Variants in ITPK1 observed in about 807,000 individuals in gnomAD.
ITPK1 encodes the protein inositol-tetrakisphosphate 1-kinase, also known as inositol 1,3,4-trisphosphate 5/6-kinase.
ITPK1 carries 21 observed loss-of-function variants against 45.3 expected under a neutral mutation model. The ratio of observed to expected loss-of-function variants is 0.46; its 90% CI spans 0.33 to 0.67. ITPK1 has a LOEUF of 0.67. Among genes scored for constraint, ITPK1 ranks in the 30% least tolerant of loss-of-function variants. ITPK1 has a pLI of 0.02. For synonymous variants in ITPK1, 258 were observed against 253.6 expected, an observed-to-expected ratio of 1.02 and a Z score of -0.16; for missense variants, 474 against 573.5, an observed-to-expected ratio of 0.83 and a Z score of 1.77.
At chr14:93,007,427 T>C (rs899395967) in intron 4 of ITPK1, among the ~76,000 whole-genome samples, 2 of 134,330 alleles carry the variant, frequency 1.5e-5, no homozygotes, top group African/African-American at 5.6e-5. Flanking sequence ...TGGCAGCCCA[T>C]GGGCTCCCCT....
rs1289265278 is a variant in ITPK1, at chr14:92,958,939, A to C, written c.505-573T>G. On this transcript the variant is annotated intron_variant, in intron 7 of 10. Transcript: ENST00000267615. This position sits in a 1 kb window ranked among gnomAD's most constrained non-coding sequence, Gnocchi z 4.4. ...AGCATACAACCTTTCACAGATGAGG[A>C]CGATGAGGCGCTGAGAGGTTCAGTG... Among the ~76,000 whole-genome samples the C allele has an allele frequency of 2.0e-5, 3 of 152,176 alleles. No individual in the cohort carries two copies. Among genetic ancestry groups the C allele is most frequent in the Non-Finnish European group, 2.9e-5 (2 of 68,026 alleles).
chr14:93,039,181 G>A (rs1396270250), intron 3 of ITPK1, among the ~76,000 whole-genome samples: 1 of 152,150 alleles, frequency 6.6e-6, no homozygotes, highest in African/African-American at 2.4e-5. Flanking sequence ...AGAGTTCTGG[G>A]CACAGGCCTT....
At chr14:93,093,196 C>T (rs1019925254) in intron 2 of ITPK1, among the ~76,000 whole-genome samples, 2 of 152,186 alleles carry the variant, frequency 1.3e-5, no homozygotes, top group African/African-American at 2.4e-5. Flanking sequence ...GGGGCAGACA[C>T]GACCCACACC....
At chr14:93,048,545 C>T (rs750354143) in intron 3 of ITPK1, among the ~76,000 whole-genome samples, 4 of 152,186 alleles carry the variant, frequency 2.6e-5, no homozygotes, top group Non-Finnish European at 4.4e-5. Context: ...ACGTGCCTGT[C>T]GCCTCACGCT....
At chr14:93,042,348 G>A (rs1435202415) in intron 3 of ITPK1, among the ~76,000 whole-genome samples, 1 of 152,164 alleles carries the variant, frequency 6.6e-6, no homozygotes, top group African/African-American at 2.4e-5. Flanking sequence ...CCCCAGCCAA[G>A]CAGCTTCGAC....
At chr14:92,946,233 G>T in intron 10 of ITPK1, 98 bp downstream of exon 10, 1 of 1,402,568 alleles carries the variant, frequency 7.1e-7, no homozygotes, top group Non-Finnish European at 9.9e-7. Flanking sequence ...GAGGGAGAAA[G>T]CTGGCTTTCT....
chr14:93,016,888 A>AC lies in ITPK1; in HGVS notation c.121-88dup, dbSNP rs1237461436. 7.1e-6 allele frequency: 11 copies of AC among 1,552,796 alleles called. No individual in the cohort carries two copies. The highest frequency in any genetic ancestry group is 9.6e-6 in the Non-Finnish European group (11 of 1,145,230). ...CCTCTTGTCCACCCTGGGGCATATC[A>AC]CCAGAGGACCCTCGAGCCTCCCTGT... On this transcript the variant is annotated intron_variant, in intron 3 of 10. Transcript: ENST00000267615. The surrounding 1 kb of genome is among the most constrained non-coding windows in gnomAD (Gnocchi z 5.0).
In ITPK1 at chr14:92,941,348, G is replaced by GGCCCCACTCCCCAACGGTGGACC. The variant is rs1469376284; in HGVS notation, c.*190_*212dup. 7.1e-7 allele frequency: 1 copy of GGCCCCACTCCCCAACGGTGGACC among 1,409,702 alleles called. No individual in the cohort carries two copies. Among genetic ancestry groups the GGCCCCACTCCCCAACGGTGGACC allele is most frequent in the African/African-American group, 1.5e-5 (1 of 67,620 alleles). The allele number at this position is 1,409,702 out of a possible 1,614,324, so 87.3% of individuals were successfully genotyped here. On this transcript the variant is annotated 3_prime_UTR_variant, in exon 11 of 11. Transcript: ENST00000267615. The stretch of plus-strand genomic sequence containing the variant: ...TCTGCACAGTAGAGAGCAGGCGGAC[G>GGCCCCACTCCCCAACGGTGGACC]GCCCCACTCCCCAACGGTGGACCAC...
At chr14:93,073,117 T>C (rs79764250) in intron 3 of ITPK1, among the ~76,000 whole-genome samples, 5,401 of 152,306 alleles carry the variant, frequency 0.035, 322 homozygotes, top group African/African-American at 0.12. Flanking sequence ...CCAGTGCCAA[T>C]TACTTCACCC....
intron 3 of ITPK1, among the ~76,000 whole-genome samples, chr14:93,065,177 G>GA (rs1431566830): frequency 6.6e-6 from 1 of 152,226 alleles, no homozygotes; most frequent in Non-Finnish European, 1.5e-5. Flanking sequence ...CTCACAGCAG[G>GA]AGACTCATCC....
rs112695580 is a variant in ITPK1 at position 92,968,986 on chromosome 14, C to A, written c.365-6137G>T. Among the ~76,000 whole-genome samples the A allele has an allele frequency of 2.1e-3, 313 of 152,300 alleles. 1 individual carries two copies. Among genetic ancestry groups the A allele is most frequent in the African/African-American group, 7.0e-3 (290 of 41,564 alleles). On this transcript the variant is annotated intron_variant, in intron 5 of 10. Coordinates refer to ENST00000267615, the MANE Select transcript of ITPK1 (RefSeq NM_014216.6). ...TCAGTGGACACAGACTGTTTTGCATCCCGAGCTGCCCCCGCTCGGGTTGCT... is the reference window on the plus strand; with the variant it reads ...TCAGTGGACACAGACTGTTTTGCATACCGAGCTGCCCCCGCTCGGGTTGCT...
At chr14:92,980,668 A>T (rs1328787882) in intron 5 of ITPK1, among the ~76,000 whole-genome samples, 2 of 151,802 alleles carry the variant, frequency 1.3e-5, no homozygotes, top group African/African-American at 2.4e-5. Flanking sequence ...CCTCTCTCAT[A>T]GTTTGTTTGT....
chr14:93,079,806 G>A (rs1056411193), intron 2 of ITPK1, among the ~76,000 whole-genome samples: 5 of 152,214 alleles, frequency 3.3e-5, no homozygotes, highest in African/African-American at 9.6e-5. Context: ...GGAAGAGGGA[G>A]AAGGAAGGGA....
At position 92,937,491 on chromosome 14, in the gene ITPK1, G is replaced by A. The variant is rs1015486961; in HGVS notation, c.*4070C>T. ...GAAAATGTAATCATTTCTGAAAAGG[G>A]GGGGTCTGGGTGCTCCTGCGGGTGA... On this transcript the variant is annotated 3_prime_UTR_variant, in exon 11 of 11. Transcript: ENST00000267615. 6.6e-6 allele frequency: 1 copy of A among 152,254 alleles called. No individual in the cohort carries two copies. The highest frequency in any genetic ancestry group is 1.9e-4 in the East Asian group (1 of 5,196). 9.4% of individuals were successfully genotyped at this position (152,254 alleles called of 1,614,324 possible). A position where few individuals can be genotyped will look rare whatever the true frequency, so the allele number is the denominator to read the frequency against.
At chr14:93,112,928 G>A (rs1330630737) in intron 2 of ITPK1, among the ~76,000 whole-genome samples, 1 of 152,124 alleles carries the variant, frequency 6.6e-6, no homozygotes, top group Non-Finnish European at 1.5e-5. Flanking sequence ...ACAACCTCAC[G>A]GGGCTCCCTG....
At chr14:92,981,532 C>T (rs1273060650) in intron 5 of ITPK1, among the ~76,000 whole-genome samples, 1 of 152,234 alleles carries the variant, frequency 6.6e-6, no homozygotes, top group Non-Finnish European at 1.5e-5. Context: ...CCCATGACCC[C>T]ACCTGCCCCA....
chr14:92,983,207 G>A (rs1047639070), intron 5 of ITPK1, among the ~76,000 whole-genome samples: 4 of 152,214 alleles, frequency 2.6e-5, no homozygotes, highest in African/African-American at 9.6e-5. Flanking sequence ...AGCTGGAAAC[G>A]TGGGTAGACT....
chr14:93,103,857 A>T (rs543346832), intron 2 of ITPK1, among the ~76,000 whole-genome samples: 8 of 152,116 alleles, frequency 5.3e-5, no homozygotes, highest in Non-Finnish European at 1.2e-4. Flanking sequence ...CTGCCACAGG[A>T]GGGTTCTCTC....
intron 5 of ITPK1, among the ~76,000 whole-genome samples, chr14:92,993,341 C>T (rs1317516751): frequency 1.3e-5 from 2 of 152,174 alleles, no homozygotes; most frequent in South Asian, 2.1e-4. Context: ...GCTCTGCCTG[C>T]CCAAGGGGTG....
Sources: gnomAD v4.1 joint callset for allele counts (sites outside exome capture counted in the v4.1 genomes callset) on GRCh38, gnomAD v4.1.1 for gene constraint, Gnocchi (gnomAD v3.1) non-coding constraint, MANE v1.5 for transcripts, NCBI Gene and HGNC (gene_info 2026-07-23, HGNC 2026-07-21) for gene names.